The following PHF19 variants were observed in gnomAD, a reference collection of about 807,000 sequenced individuals.
The protein encoded by PHF19 is PHD finger protein 19, also known as polycomb like 3.
PHF19 carries 21 observed loss-of-function variants against 79.8 expected under a neutral mutation model. The observed-to-expected ratio is 0.26, with a 90% CI of 0.19 to 0.38. PHF19 has a LOEUF of 0.38. PHF19 is among the 10% of genes least tolerant of loss of function. The pLI, the probability that PHF19 is intolerant of heterozygous loss-of-function variation, is 1.00. For synonymous variants in PHF19, 273 were observed against 296.3 expected (o/e 0.92, Z 0.81); for missense variants, 445 against 744.2 (o/e 0.60, Z 4.68).
In PHF19 at chr9:120,870,083, G is replaced by A. The variant is rs1353099629; in HGVS notation, c.365-138C>T. On this transcript the variant is annotated intron_variant, in intron 4 of 14. Coordinates refer to ENST00000373896, the MANE Select transcript of PHF19 (RefSeq NM_015651.3). The surrounding 1 kb of genome is among the most constrained non-coding windows in gnomAD (Gnocchi z 4.4). ...GCCAGCTGCCGGGAGCCTGGCTGCTGGTGCCCACCAAGATGGCCAAGTCAG... is the reference window on the plus strand; with the variant it reads ...GCCAGCTGCCGGGAGCCTGGCTGCTAGTGCCCACCAAGATGGCCAAGTCAG... The A allele has an allele frequency of 2.3e-6, 3 of 1,294,382 alleles. No homozygotes were observed. The highest frequency in any genetic ancestry group is 3.1e-6 in the Non-Finnish European group (3 of 952,906). 80.2% of individuals were successfully genotyped at this position (1,294,382 alleles called of 1,614,324 possible). A position where few individuals can be genotyped will look rare whatever the true frequency, so the allele number is the denominator to read the frequency against.
chr9:120,881,389 C>T (rs992065840), upstream of PHF19, among the ~76,000 whole-genome samples: 1 of 152,034 alleles, frequency 6.6e-6, no homozygotes, highest in Non-Finnish European at 1.5e-5. Flanking sequence ...CCTCGTGATC[C>T]GCCCACTTCT....
chr9:120,877,608 A>G (rs909531804), upstream of PHF19, among the ~76,000 whole-genome samples: 22 of 152,294 alleles, frequency 1.4e-4, no homozygotes, highest in Admixed American at 9.1e-4. Flanking sequence ...GCGCGCAGGC[A>G]CCGGCGGACC....
In PHF19 at chr9:120,870,085, T is replaced by C. The variant is rs2045850395; in HGVS notation, c.365-140A>G. The C allele has an allele frequency of 1.6e-6, 2 of 1,274,000 alleles. No homozygotes were observed. The highest frequency in any genetic ancestry group is 2.5e-5 in the East Asian group (1 of 39,422). The allele number at this position is 1,274,000 out of a possible 1,614,324, so 78.9% of individuals were successfully genotyped here. ...CAGCTGCCGGGAGCCTGGCTGCTGG[T>C]GCCCACCAAGATGGCCAAGTCAGTG... On this transcript the variant is annotated intron_variant, in intron 4 of 14. Transcript: ENST00000373896. The surrounding 1 kb of genome is among the most constrained non-coding windows in gnomAD (Gnocchi z 4.4).
At chr9:120,861,824 T>G (rs182332674) in intron 12 of PHF19, 94 bp downstream of exon 12, 1 of 864,806 alleles carries the variant, frequency 1.2e-6, no homozygotes, top group East Asian at 2.4e-5. Flanking sequence ...GAGAGAGTCC[T>G]CTGGGCCTGG....
At chr9:120,864,619 G>A (rs2045640981) in intron 9 of PHF19, among the ~76,000 whole-genome samples, 1 of 152,188 alleles carries the variant, frequency 6.6e-6, no homozygotes, top group Non-Finnish European at 1.5e-5. Flanking sequence ...GTGGGAGGAG[G>A]TTGCAGTGAG....
chr9:120,862,037 C>T lies in PHF19; in HGVS notation c.1131-32G>A, dbSNP rs550397055. 1.9e-5 allele frequency: 30 copies of T among 1,546,758 alleles called. No individual in the cohort carries two copies. The highest frequency in any genetic ancestry group is 6.7e-5 in the East Asian group (3 of 44,524). On this transcript the variant is annotated intron_variant, in intron 11 of 14. Coordinates refer to ENST00000373896, the MANE Select transcript of PHF19 (RefSeq NM_015651.3). This position sits in a 1 kb window ranked among gnomAD's most constrained non-coding sequence, Gnocchi z 4.6. ...AGACAGAAGAGGGAGAAGGTGGCCC[C>T]GTCAGAGCCTGAGGGCCCTAGGGTG...
chr9:120,896,451 CTTTTTTTTTTT>C (rs71370604), upstream of PHF19, among the ~76,000 whole-genome samples: 43 of 82,740 alleles, frequency 5.2e-4, no homozygotes, highest in African/African-American at 1.8e-3. Flanking sequence ...TTTTTTTTTT[CTTTTTTTTTTT>C]TTTTTTTGAG....
chr9:120,865,615 G>T (rs1037623636), intron 9 of PHF19, 95 bp downstream of exon 9: 14 of 1,442,960 alleles, frequency 9.7e-6, no homozygotes, highest in Non-Finnish European at 1.3e-5. Context: ...CAACTCAAGG[G>T]TGAGAGTTCA....
Position 120,870,489 on chromosome 9 carries a change from T to C in PHF19, c.318A>G (p.Thr106=). 6.2e-7 allele frequency: 1 copy of C among 1,613,796 alleles called. No homozygotes were observed. Among genetic ancestry groups the C allele is most frequent in the Non-Finnish European group, 8.5e-7 (1 of 1,179,628 alleles). ...TGAGGATCTCATTCAGCGGCCCTGA[T>C]GTCTTCCCTAGGCAGATGTTGCACT... ...EPKCNICLGK[T]SGPLNEILIC... is the part of the protein sequence containing the mutation. Residue 106 remains threonine, a synonymous_variant, in exon 4 of 15, where the codon ACA becomes ACG. Transcript: ENST00000373896. The surrounding 1 kb of genome is among the most constrained non-coding windows in gnomAD (Gnocchi z 4.4).
chr9:120,880,688 C>G (rs1487006932), upstream of PHF19, among the ~76,000 whole-genome samples: 1 of 152,116 alleles, frequency 6.6e-6, no homozygotes, highest in East Asian at 1.9e-4. Context: ...TCAGCTGGGC[C>G]CGTGGCTCAA....
the PHF19 span, chr9:120,904,046 T>C: frequency 1.3e-5 from 2 of 152,240 alleles, no homozygotes; most frequent in Non-Finnish European, 2.9e-5. Context: ...CTGAAAGAAG[T>C]GGATGCCTCA....
rs2045858031 is a variant in PHF19 at position 120,870,343 on chromosome 9, C to T, written c.364+100G>A. On this transcript the variant is annotated intron_variant, in intron 4 of 14. Transcript: ENST00000373896. This position sits in a 1 kb window ranked among gnomAD's most constrained non-coding sequence, Gnocchi z 4.4. ...CTGCAGTGCCAAGAGAAACAGGAAG[C>T]CAGCTGAGGCCCCAACAGGCTGCAG... 1.3e-6 allele frequency: 1 copy of T among 751,988 alleles called. No homozygotes were observed. The highest frequency in any genetic ancestry group is 2.3e-6 in the Non-Finnish European group (1 of 431,586). The allele number at this position is 751,988 out of a possible 1,614,324, so 46.6% of individuals were successfully genotyped here.
upstream of PHF19, chr9:120,877,416 T>C (rs953589575): frequency 3.8e-4 from 349 of 919,862 alleles, 2 homozygotes; most frequent in African/African-American, 4.4e-3. Context: ...GCCGCCGGGC[T>C]CCGCAGCGCC....
chr9:120,878,133 G>A (rs558561133), upstream of PHF19, among the ~76,000 whole-genome samples: 83 of 152,298 alleles, frequency 5.4e-4, 1 homozygote, highest in Non-Finnish European at 1.0e-3. Context: ...AACCTACATG[G>A]CCGAAATAGC....
chr9:120,881,722 A>C (rs1203727287), upstream of PHF19, among the ~76,000 whole-genome samples: 1 of 152,136 alleles, frequency 6.6e-6, no homozygotes, highest in Admixed American at 6.5e-5. Flanking sequence ...GTTACAGTGC[A>C]CAGTGTCCCC....
Position 120,869,567 on chromosome 9 carries a change from C to G in PHF19, c.466-237G>C. The G allele has an allele frequency of 6.9e-7, 1 of 1,454,980 alleles. No individual in the cohort carries two copies. Among genetic ancestry groups the G allele is most frequent in the Non-Finnish European group, 9.0e-7 (1 of 1,106,276 alleles). The allele number at this position is 1,454,980 out of a possible 1,614,324, so 90.1% of individuals were successfully genotyped here. ...ATAAGCGCAATAAAGGCAACAATTA[C>G]CAACATGTATTTACATGGATTTTCT... On this transcript the variant is annotated intron_variant, in intron 5 of 14. Coordinates refer to ENST00000373896, the MANE Select transcript of PHF19 (RefSeq NM_015651.3). This position sits in a 1 kb window ranked among gnomAD's most constrained non-coding sequence, Gnocchi z 5.8.
rs887555896 is a variant in PHF19, at chr9:120,860,292, C to A, written c.1305-107G>T. 4 of 672,432 alleles carry A rather than the reference C, an allele frequency of 5.9e-6. No homozygotes were observed. Among genetic ancestry groups the A allele is most frequent in the African/African-American group, 5.3e-5 (3 of 56,484 alleles). The allele number at this position is 672,432 out of a possible 1,614,324, so 41.7% of individuals were successfully genotyped here. A position where few individuals can be genotyped will look rare whatever the true frequency, so the allele number is the denominator to read the frequency against. On this transcript the variant is annotated intron_variant, in intron 13 of 14. Transcript: ENST00000373896. This position sits in a 1 kb window ranked among gnomAD's most constrained non-coding sequence, Gnocchi z 4.1. Reference sequence around the variant, plus strand: ...TGCATCCTTCATCCCAGTGGAGGCCCGTCTTCCCACAGCTGAGCTTCCCAC... The same window carrying A: ...TGCATCCTTCATCCCAGTGGAGGCCAGTCTTCCCACAGCTGAGCTTCCCAC...
chr9:120,876,244 C>G (rs2046046010), intron 1 of PHF19: 1 of 152,366 alleles, frequency 6.6e-6, no homozygotes, highest in African/African-American at 2.4e-5. Context: ...CACAGGCTCC[C>G]GGGCAGGGGA....
chr9:120,887,273 G>A (rs550128372), intron 1 of PHF19, among the ~76,000 whole-genome samples: 11 of 152,110 alleles, frequency 7.2e-5, no homozygotes, highest in African/African-American at 2.7e-4. Flanking sequence ...TGGCCAACAT[G>A]GTGAAATCCT....
Sources: allele counts gnomAD v4.1 joint callset (sites outside exome capture counted in the v4.1 genomes callset), GRCh38; gene constraint gnomAD v4.1.1; non-coding constraint Gnocchi (gnomAD v3.1); transcripts MANE v1.5; gene names NCBI Gene and HGNC (gene_info 2026-07-23, HGNC 2026-07-21).